NBEA: variants seen among roughly 807,000 people sequenced by gnomAD.
NBEA encodes the protein neurobeachin.
In NBEA, 44 loss-of-function variants were observed where a neutral mutation model predicts 343.4. That is an observed-to-expected ratio of 0.13 (90% CI 0.10 to 0.16). The LOEUF (loss-of-function observed/expected upper bound fraction) is 0.16, where lower values mean the gene tolerates loss of function less well. Among genes scored for constraint, NBEA ranks in the 10% least tolerant of loss-of-function variants. The pLI is 1.00. For synonymous variants in NBEA, 1,175 were observed against 1,238.7 expected, an observed-to-expected ratio of 0.95 and a Z score of 1.08; for missense variants, 2,555 against 3,631.3, an observed-to-expected ratio of 0.70 and a Z score of 7.62.
chr13:35,299,229 A>G (rs932106653), intron 35 of NBEA, among the ~76,000 whole-genome samples: 1 of 152,162 alleles, frequency 6.6e-6, no homozygotes, highest in South Asian at 2.1e-4. Flanking sequence ...TAAGATATCA[A>G]TTTACTCTAC....
At chr13:35,322,966 C>G (rs1190420812) in intron 36 of NBEA, among the ~76,000 whole-genome samples, 1 of 152,142 alleles carries the variant, frequency 6.6e-6, no homozygotes, top group Non-Finnish European at 1.5e-5. Flanking sequence ...CCTCCCAACT[C>G]AGCCTCCCAA....
chr13:35,111,710 A>G (rs1176875488), intron 13 of NBEA, among the ~76,000 whole-genome samples: 2 of 152,026 alleles, frequency 1.3e-5, no homozygotes, highest in Admixed American at 6.6e-5. Flanking sequence ...TCTCATTTAT[A>G]TATGTGTTTA....
chr13:35,311,332 T>TA (rs916368882), intron 36 of NBEA, among the ~76,000 whole-genome samples: 45 of 151,362 alleles, frequency 3.0e-4, no homozygotes, highest in Admixed American at 2.9e-3. Context: ...TATATATATA[T>TA]AAAATTATTA....
chr13:35,292,099 C>G (rs540796815), intron 35 of NBEA, among the ~76,000 whole-genome samples: 1 of 151,808 alleles, frequency 6.6e-6, no homozygotes, highest in Non-Finnish European at 1.5e-5. Flanking sequence ...ATGCTTTCGA[C>G]TAAATATTTT....
intron 1 of NBEA, among the ~76,000 whole-genome samples, chr13:35,026,276 CT>C (rs2062017712): frequency 6.6e-6 from 1 of 152,110 alleles, no homozygotes. Flanking sequence ...AATTAAACCT[CT>C]TTTCTTTATA....
At chr13:35,236,162 G>T (rs2075216531) in intron 34 of NBEA, among the ~76,000 whole-genome samples, 1 of 152,092 alleles carries the variant, frequency 6.6e-6, no homozygotes, top group South Asian at 2.1e-4. Context: ...AGTATAAAAA[G>T]CTGACAACCC....
intron 50 of NBEA, 53 bp downstream of exon 50, chr13:35,645,984 C>A: frequency 8.7e-7 from 1 of 1,143,034 alleles, no homozygotes. Flanking sequence ...TAGCTGCATG[C>A]ATGTATTCAC....
At chr13:35,419,344 T>A (rs1294134645) in intron 38 of NBEA, among the ~76,000 whole-genome samples, 2 of 152,032 alleles carry the variant, frequency 1.3e-5, no homozygotes, top group African/African-American at 4.8e-5. Flanking sequence ...ATGATGGAAG[T>A]GACGAACAGG....
chr13:35,455,397 TAAAAA>T (rs529352383), intron 40 of NBEA, among the ~76,000 whole-genome samples: 2 of 126,168 alleles, frequency 1.6e-5, no homozygotes, highest in African/African-American at 3.0e-5. Flanking sequence ...TTTCTGTTTA[TAAAAA>T]AAAAAAAAAG....
chr13:35,550,148 A>G (rs1387132044), intron 41 of NBEA, among the ~76,000 whole-genome samples: 2 of 152,126 alleles, frequency 1.3e-5, no homozygotes, highest in Non-Finnish European at 1.5e-5. Flanking sequence ...GGGAGAAAGG[A>G]TATTGGAAAG....
chr13:35,061,405 C>T (rs1421573726), intron 8 of NBEA, among the ~76,000 whole-genome samples: 9 of 151,684 alleles, frequency 5.9e-5, no homozygotes, highest in Non-Finnish European at 1.2e-4. Context: ...GATAAGTTTA[C>T]TGTGGATCTC....
chr13:35,584,036 A>T lies in NBEA; in HGVS notation c.7174A>T (p.Ile2392Phe). Reference protein sequence around the residue: ...ATSTLSWLVRIEPFTTFFLNA... With the variant: ...ATSTLSWLVRFEPFTTFFLNA... The stretch of plus-strand genomic sequence containing the variant: ...ATCTACTTTATCCTGGCTTGTTCGA[A>T]TTGTGAGTATCTTCATTGAGTTAGC... The change falls in exon 46 of 59, where the codon ATT becomes TTT. Residue 2392 changes from isoleucine (I) to phenylalanine (F), a missense_variant and splice_region_variant. By Grantham distance (21) the Ile-to-Phe change is conservative (BLOSUM62 0). Coordinates refer to ENST00000379939, the MANE Select transcript of NBEA (RefSeq NM_001385012.1). The T allele has an allele frequency of 6.2e-7, 1 of 1,613,088 alleles. No individual in the cohort carries two copies. Among genetic ancestry groups the T allele is most frequent in the Non-Finnish European group, 8.5e-7 (1 of 1,179,534 alleles).
At chr13:35,489,607 G>C (rs1185601233) in intron 41 of NBEA, among the ~76,000 whole-genome samples, 1 of 151,660 alleles carries the variant, frequency 6.6e-6, no homozygotes, top group African/African-American at 2.4e-5. Context: ...AAGTAAATTC[G>C]GTATTTGAAA....
chr13:35,042,042 T>A (rs2062671605), intron 2 of NBEA, among the ~76,000 whole-genome samples: 1 of 151,972 alleles, frequency 6.6e-6, no homozygotes, highest in African/African-American at 2.4e-5. Context: ...CAGAGAATAC[T>A]CTTTTAACAT....
intron 48 of NBEA, among the ~76,000 whole-genome samples, chr13:35,626,609 T>A (rs946698056): frequency 2.6e-5 from 4 of 152,218 alleles, no homozygotes; most frequent in African/African-American, 4.8e-5. Context: ...CTCTATTTAC[T>A]CATTTTTTAA....
intron 8 of NBEA, among the ~76,000 whole-genome samples, chr13:35,066,062 G>A (rs1469957814): frequency 6.6e-6 from 1 of 152,018 alleles, no homozygotes; most frequent in African/African-American, 2.4e-5. Flanking sequence ...CCTGGGCTCA[G>A]GCTATCCTCC....
intron 41 of NBEA, among the ~76,000 whole-genome samples, chr13:35,516,927 T>A (rs532249210): frequency 6.6e-6 from 1 of 152,322 alleles, no homozygotes; most frequent in Non-Finnish European, 1.5e-5. Flanking sequence ...AGCTCACAAC[T>A]GGGAAGTGTT....
intron 1 of NBEA, among the ~76,000 whole-genome samples, chr13:34,992,249 T>C (rs867273315): frequency 9.6e-5 from 13 of 135,002 alleles, no homozygotes; most frequent in Non-Finnish European, 3.1e-5. Flanking sequence ...TATATATATA[T>C]ATATATATAT....
At chr13:35,147,032 G>C (rs1367893700) in intron 18 of NBEA, among the ~76,000 whole-genome samples, 1 of 152,062 alleles carries the variant, frequency 6.6e-6, no homozygotes, top group African/African-American at 2.4e-5. Context: ...AACAAAGCTG[G>C]GTTTTCATCC....
Sources: allele counts gnomAD v4.1 joint callset (sites outside exome capture counted in the v4.1 genomes callset), GRCh38; gene constraint gnomAD v4.1.1; transcripts MANE v1.5; gene names NCBI Gene and HGNC (gene_info 2026-07-23, HGNC 2026-07-21).